Variants in CNTN3 observed in about 807,000 individuals in gnomAD.
The protein encoded by CNTN3 is contactin 3.
A neutral mutation model predicts 119.1 loss-of-function variants in CNTN3; 60 were observed. That is an observed-to-expected ratio of 0.50 (90% CI 0.41 to 0.62). The LOEUF (loss-of-function observed/expected upper bound fraction) is 0.62, where lower values mean the gene tolerates loss of function less well. CNTN3 is among the 20% of genes least tolerant of loss of function. The probability of loss-of-function intolerance (pLI) is 0.00; values close to 1 mark genes in which losing one functional copy is unlikely to be tolerated. For missense variants in CNTN3, 1,101 were observed against 1,242.4 expected (o/e 0.89, Z 1.71); for synonymous variants, 450 against 438.7 (o/e 1.03, Z -0.32).
chr3:74,387,396 C>CA (rs1158088958), intron 5 of CNTN3, among the ~76,000 whole-genome samples: 14 of 152,130 alleles, frequency 9.2e-5, no homozygotes, highest in East Asian at 7.7e-4. Flanking sequence ...GAAAATGTTC[C>CA]AAAAAAACTC....
At chr3:74,480,759 T>A (rs1398650870) in intron 4 of CNTN3, among the ~76,000 whole-genome samples, 1 of 151,908 alleles carries the variant, frequency 6.6e-6, no homozygotes, top group Non-Finnish European at 1.5e-5. Context: ...GCAAAAATAT[T>A]CAGCAAAAAT....
chr3:74,573,027 G>C (rs1704359321), intron 1 of CNTN3, among the ~76,000 whole-genome samples: 1 of 152,220 alleles, frequency 6.6e-6, no homozygotes, highest in Admixed American at 6.5e-5. Context: ...CCATTACCAG[G>C]GCATTTGAGG....
chr3:74,306,517 G>C (rs1003575873), intron 13 of CNTN3, among the ~76,000 whole-genome samples: 2 of 152,028 alleles, frequency 1.3e-5, no homozygotes, highest in Non-Finnish European at 2.9e-5. Flanking sequence ...AGCAGGAAGG[G>C]ACCAGAATTG....
At chr3:74,418,581 C>T (rs1701565411) in intron 5 of CNTN3, among the ~76,000 whole-genome samples, 1 of 151,398 alleles carries the variant, frequency 6.6e-6, no homozygotes. Flanking sequence ...CCTCAGGCAA[C>T]CCGCCCACCT....
At chr3:74,607,484 C>CAT (rs1705012193) in intron 1 of CNTN3, among the ~76,000 whole-genome samples, 1 of 152,140 alleles carries the variant, frequency 6.6e-6, no homozygotes, top group Non-Finnish European at 1.5e-5. Context: ...TCAGTTGGGG[C>CAT]CCTGCCCTAG....
chr3:74,419,608 C>A (rs1023942023), intron 5 of CNTN3, among the ~76,000 whole-genome samples: 3 of 152,148 alleles, frequency 2.0e-5, no homozygotes, highest in Admixed American at 1.3e-4. Context: ...TGGCAGTATA[C>A]AAGACTTCCA....
At chr3:74,328,588 G>T (rs543022327) in intron 13 of CNTN3, among the ~76,000 whole-genome samples, 2 of 152,242 alleles carry the variant, frequency 1.3e-5, no homozygotes, top group African/African-American at 4.8e-5. Context: ...TTCCACTGGG[G>T]ATGGCTTTGG....
At chr3:74,307,577 T>C (rs1157829740) in intron 13 of CNTN3, among the ~76,000 whole-genome samples, 1 of 152,156 alleles carries the variant, frequency 6.6e-6, no homozygotes, top group Non-Finnish European at 1.5e-5. Flanking sequence ...GAATTTTTGA[T>C]GTAATTTAAA....
chr3:74,454,009 T>G lies in CNTN3; in HGVS notation c.359-29069A>C, dbSNP rs1184671003. Among the ~76,000 whole-genome samples, 3 of 148,840 alleles carry G rather than the reference T, an allele frequency of 2.0e-5. No homozygotes were observed. In the East Asian group the frequency reaches 6.0e-4, roughly 30 times the overall value. On this transcript the variant is annotated intron_variant, in intron 4 of 22. Coordinates refer to ENST00000263665, the MANE Select transcript of CNTN3 (RefSeq NM_020872.3). ...TCTGTTGATTTGGGGTGGAGAGTTC[T>G]GTAGATGTCTATTAGGTCCGCTTGG... is the stretch of plus-strand genomic sequence containing the variant.
intron 13 of CNTN3, among the ~76,000 whole-genome samples, chr3:74,322,617 T>C (rs895121440): frequency 6.6e-6 from 1 of 152,192 alleles, no homozygotes; most frequent in African/African-American, 2.4e-5. Context: ...ACTCCTACCA[T>C]AAGATCCAGC....
intron 13 of CNTN3, among the ~76,000 whole-genome samples, chr3:74,315,306 C>T (rs1366023088): frequency 6.6e-6 from 1 of 152,118 alleles, no homozygotes; most frequent in Non-Finnish European, 1.5e-5. Context: ...AATAGTTATC[C>T]AGCAGATCTC....
chr3:74,284,347 A>C (rs1483952552), intron 20 of CNTN3, among the ~76,000 whole-genome samples: 1 of 152,202 alleles, frequency 6.6e-6, no homozygotes, highest in Non-Finnish European at 1.5e-5. Flanking sequence ...TAAATTAAGA[A>C]ATTTGAAAAA....
chr3:74,355,724 G>C (rs1313990204), intron 11 of CNTN3, among the ~76,000 whole-genome samples: 1 of 151,852 alleles, frequency 6.6e-6, no homozygotes, highest in Non-Finnish European at 1.5e-5. Context: ...CAAAGTGCAG[G>C]GATTACAAGC....
chr3:74,505,526 A>ACACAC (rs1346105676), intron 2 of CNTN3, among the ~76,000 whole-genome samples: 19 of 129,340 alleles, frequency 1.5e-4, no homozygotes, highest in African/African-American at 2.4e-4. Flanking sequence ...CACACACACC[A>ACACAC]CACATACACA....
intron 20 of CNTN3, among the ~76,000 whole-genome samples, chr3:74,274,342 C>T (rs1701839862): frequency 6.6e-6 from 1 of 152,074 alleles, no homozygotes; most frequent in South Asian, 2.1e-4. Context: ...AGCAGGAGGC[C>T]AACCAGCACA....
Position 74,301,310 on chromosome 3 carries a change from A to AC in CNTN3, c.2095+87dup. The AC allele has an allele frequency of 3.8e-6, 5 of 1,324,624 alleles. No homozygotes were observed. The South Asian group carries it at 6.9e-5, about 18-fold the overall frequency. 82.1% of individuals were successfully genotyped at this position (1,324,624 alleles called of 1,614,324 possible). A position where few individuals can be genotyped will look rare whatever the true frequency, so the allele number is the denominator to read the frequency against. On this transcript the variant is annotated intron_variant, in intron 16 of 22. Transcript: ENST00000263665. ...CTGCAACAATGGATTATTGAGGCTG[A>AC]CCCCCTGCTGGCCTGGAGTTCAGGG...
chr3:74,481,220 T>C (rs887754978), intron 4 of CNTN3, among the ~76,000 whole-genome samples: 2 of 151,894 alleles, frequency 1.3e-5, no homozygotes, highest in South Asian at 4.1e-4. Context: ...AGTAATGATA[T>C]AGGTGATTTG....
At chr3:74,456,922 T>A (rs1042569264) in intron 4 of CNTN3, among the ~76,000 whole-genome samples, 3 of 152,086 alleles carry the variant, frequency 2.0e-5, no homozygotes, top group South Asian at 2.1e-4. Context: ...AAGTTTTTTT[T>A]ATGTACACTC....
chr3:74,504,225 T>C (rs1424043449), intron 2 of CNTN3, among the ~76,000 whole-genome samples: 1 of 152,108 alleles, frequency 6.6e-6, no homozygotes, highest in African/African-American at 2.4e-5. Context: ...AAACTAGCAG[T>C]GCATTTCAAA....
Sources: gnomAD v4.1 joint callset for allele counts (sites outside exome capture counted in the v4.1 genomes callset) on GRCh38, gnomAD v4.1.1 for gene constraint, MANE v1.5 for transcripts, NCBI Gene and HGNC (gene_info 2026-07-23, HGNC 2026-07-21) for gene names.